The following AK6 variants were observed in gnomAD, a reference collection of about 807,000 sequenced individuals.
The protein encoded by AK6 is adenylate kinase isoenzyme 6.
In AK6, 24 loss-of-function variants were observed where a neutral mutation model predicts 23.7. The ratio of observed to expected loss-of-function variants is 1.01; its 90% CI spans 0.73 to 1.43. AK6 has a LOEUF of 1.43. Ranked by LOEUF, AK6 falls within the 40% of genes most tolerant of loss-of-function variation. AK6 has a pLI of 0.00. For synonymous variants in AK6, 73 were observed against 69.8 expected, an observed-to-expected ratio of 1.05 and a Z score of -0.23; for missense variants, 191 against 199.1, an observed-to-expected ratio of 0.96 and a Z score of 0.24.
At chr5:69,360,391 CAG>C (rs1762199200) in intron 2 of AK6, among the ~76,000 whole-genome samples, 1 of 152,130 alleles carries the variant, frequency 6.6e-6, no homozygotes, top group Non-Finnish European at 1.5e-5. Flanking sequence ...AGGTAGAAAT[CAG>C]AGGAGTGGGC....
intron 2 of AK6, among the ~76,000 whole-genome samples, chr5:69,363,242 G>C (rs148367845): frequency 6.6e-6 from 1 of 152,194 alleles, no homozygotes; most frequent in Non-Finnish European, 1.5e-5. Context: ...AAATGAAATG[G>C]TTTAAGTACT....
At chr5:69,366,079 ACTAAT>A (rs975593534) in intron 2 of AK6, among the ~76,000 whole-genome samples, 5 of 152,198 alleles carry the variant, frequency 3.3e-5, no homozygotes, top group African/African-American at 1.2e-4. Flanking sequence ...CAAATCTCAC[ACTAAT>A]CTAAGATACC....
chr5:69,366,460 T>TAA (rs749083636), intron 2 of AK6, 43 bp downstream of exon 2: 216 of 1,293,802 alleles, frequency 1.7e-4, no homozygotes, highest in Non-Finnish European at 2.0e-4. Context: ...TACCAGACCT[T>TAA]AAAAAAAAAA....
At chr5:69,361,041 G>C (rs949714128) in intron 2 of AK6, among the ~76,000 whole-genome samples, 3 of 152,194 alleles carry the variant, frequency 2.0e-5, no homozygotes, top group South Asian at 2.1e-4. Context: ...GGAAAATTAA[G>C]GATGCTAGTA....
chr5:69,369,357 C>T, intron 1 of AK6, 106 bp downstream of exon 1: 2 of 1,306,218 alleles, frequency 1.5e-6, no homozygotes, highest in Non-Finnish European at 2.1e-6. Context: ...CCTCGGCCGG[C>T]CTCTGAAGAG....
chr5:69,357,737 A>G (rs1762119098), intron 2 of AK6, among the ~76,000 whole-genome samples: 1 of 152,190 alleles, frequency 6.6e-6, no homozygotes, highest in Non-Finnish European at 1.5e-5. Flanking sequence ...TATGCCTGTT[A>G]TATGTTCAAT....
intron 2 of AK6, among the ~76,000 whole-genome samples, chr5:69,360,185 A>C (rs1407129495): frequency 6.6e-6 from 1 of 152,224 alleles, no homozygotes; most frequent in East Asian, 1.9e-4. Flanking sequence ...CCCACTTTTA[A>C]GAAAATGATA....
chr5:69,369,567 G>A, upstream of AK6: 2 of 1,607,052 alleles, frequency 1.2e-6, no homozygotes, highest in Non-Finnish European at 1.7e-6. Context: ...AGGGGCGGGC[G>A]GCAGCAAAAG....
At chr5:69,360,409 T>C (rs1345027486) in intron 2 of AK6, among the ~76,000 whole-genome samples, 2 of 152,182 alleles carry the variant, frequency 1.3e-5, no homozygotes, top group African/African-American at 4.8e-5. Context: ...TGGGCAAGTA[T>C]AGTCAAGGAT....
intron 1 of AK6, 69 bp downstream of exon 1, chr5:69,369,394 C>A (rs1044687847): frequency 1.2e-5 from 19 of 1,565,232 alleles, no homozygotes; most frequent in Admixed American, 7.2e-5. Context: ...CACCTGGGCG[C>A]CCGATGCCCA....
Position 69,352,384 on chromosome 5 carries a change from G to A in AK6, c.327-131C>T, listed in dbSNP as rs547566650. The A allele has an allele frequency of 2.3e-4, 145 of 637,048 alleles. No individual in the cohort carries two copies. In the African/African-American group the frequency reaches 2.5e-3, roughly 11 times the overall value. 39.5% of individuals were successfully genotyped at this position (637,048 alleles called of 1,614,324 possible). ...CAGAAATGGTCTCTTCACCTAGAGA[G>A]GAGTGACTGGTACCTGTTTATATGA... is the stretch of plus-strand genomic sequence containing the variant. On this transcript the variant is annotated intron_variant, in intron 4 of 4. Coordinates refer to ENST00000380822, the MANE Select transcript of AK6 (RefSeq NM_016283.5).
Position 69,366,596 on chromosome 5 carries a change from C to A in AK6, c.29-1G>T. On this transcript the variant is annotated splice_acceptor_variant, in intron 1 of 4. Transcript: ENST00000380822. LOFTEE classifies it high-confidence loss of function. ...GTGGTTTTTCCAACCCCTGGTGTAC[C>A]TGTAAGACAAGCCACAGAAAAATAC... 6.2e-7 allele frequency: 1 copy of A among 1,610,676 alleles called. No individual in the cohort carries two copies. Among genetic ancestry groups the A allele is most frequent in the Non-Finnish European group, 8.5e-7 (1 of 1,177,098 alleles).
intron 1 of AK6, among the ~76,000 whole-genome samples, chr5:69,368,256 G>A (rs1762592457): frequency 6.6e-6 from 1 of 151,970 alleles, no homozygotes; most frequent in African/African-American, 2.4e-5. Flanking sequence ...TTCCCCTTCT[G>A]ATACCTATTA....
At position 69,366,851 on chromosome 5, in the gene AK6, CA is replaced by C. The variant is rs576012975; in HGVS notation, c.29-257del. 1.8e-4 allele frequency: 74 copies of C among 414,918 alleles called. No individual in the cohort carries two copies. In the South Asian group the frequency reaches 1.9e-3, roughly 11 times the overall value. 25.7% of individuals were successfully genotyped at this position (414,918 alleles called of 1,614,324 possible). On this transcript the variant is annotated intron_variant, in intron 1 of 4. Transcript: ENST00000380822. ...TTGGCTCACTGCAACCTCCACCTCC[CA>C]GGTTCAAGCGATTCTCCTGCCTCAG...
intron 1 of AK6, 36 bp downstream of exon 1, chr5:69,369,427 G>A (rs766334114): frequency 3.1e-6 from 5 of 1,605,786 alleles, no homozygotes; most frequent in African/African-American, 1.3e-5. Flanking sequence ...CCCCCAGCCT[G>A]CCCCAGCCCA....
intron 2 of AK6, among the ~76,000 whole-genome samples, chr5:69,362,743 T>C (rs1762274359): frequency 6.6e-6 from 1 of 151,886 alleles, no homozygotes; most frequent in Non-Finnish European, 1.5e-5. Flanking sequence ...CAAGACCCTG[T>C]CTCAAACAAA....
intron 2 of AK6, among the ~76,000 whole-genome samples, chr5:69,358,517 CAAAAAAA>C (rs5868577): frequency 3.0e-4 from 16 of 54,166 alleles, no homozygotes; most frequent in African/African-American, 9.7e-4. Context: ...GACTCTGTCT[CAAAAAAA>C]AAAAAAAAAA....
intron 2 of AK6, chr5:69,365,740 T>C: frequency 6.5e-7 from 1 of 1,532,244 alleles, no homozygotes; most frequent in African/African-American, 1.4e-5. Context: ...GACTCCATGA[T>C]ATCCGATGAT....
At chr5:69,362,601 G>A (rs1384759878) in intron 2 of AK6, among the ~76,000 whole-genome samples, 1 of 151,946 alleles carries the variant, frequency 6.6e-6, no homozygotes, top group Non-Finnish European at 1.5e-5. Flanking sequence ...ACCACCCTGG[G>A]CAACACAGTG....
Sources: allele counts gnomAD v4.1 joint callset (sites outside exome capture counted in the v4.1 genomes callset), GRCh38; gene constraint gnomAD v4.1.1; transcripts MANE v1.5; gene names NCBI Gene and HGNC (gene_info 2026-07-23, HGNC 2026-07-21).